KCNJ12: variants seen among roughly 807,000 people sequenced by gnomAD.
KCNJ12 encodes ATP-sensitive inward rectifier potassium channel 12.
A neutral mutation model predicts 22.3 loss-of-function variants in KCNJ12; 2 were observed. The observed-to-expected ratio is 0.09, with a 90% confidence interval of 0.04 to 0.28. The LOEUF (loss-of-function observed/expected upper bound fraction) is 0.28. Among genes scored for constraint, KCNJ12 ranks in the 10% least tolerant of loss-of-function variants. The probability of loss-of-function intolerance (pLI) is 1.00; values close to 1 mark genes in which losing one functional copy is unlikely to be tolerated. For synonymous variants in KCNJ12, 117 were observed against 261.4 expected, an observed-to-expected ratio of 0.45 and a Z score of 5.33; for missense variants, 155 against 633.3, an observed-to-expected ratio of 0.24 and a Z score of 8.11.
At chr17:21,409,500 A>G (rs1254561412) in intron 2 of KCNJ12, among the ~76,000 whole-genome samples, 1 of 152,312 alleles carries the variant, frequency 6.6e-6, no homozygotes, top group African/African-American at 2.4e-5. Flanking sequence ...GATAAAGGGC[A>G]TGTCATTGAT....
In KCNJ12 at chr17:21,413,944, C is replaced by T. The variant is rs1352409340; in HGVS notation, c.-56-1343C>T. Reference sequence around the variant, plus strand: ...AGCCTTGCAATCTTCCTTAGAGATGCGGGAAGCAGGGGCTGGGGAGGGCCC... The same window carrying T: ...AGCCTTGCAATCTTCCTTAGAGATGTGGGAAGCAGGGGCTGGGGAGGGCCC... On this transcript the variant is annotated intron_variant, in intron 2 of 2. Transcript: ENST00000583088. 3.1e-4 allele frequency among the ~76,000 whole-genome samples: 47 copies of T among 152,382 alleles called. No homozygotes were observed. In the East Asian group the frequency reaches 3.7e-3, roughly 12 times the overall value.
intron 2 of KCNJ12, among the ~76,000 whole-genome samples, chr17:21,409,743 G>T (rs1468246202): frequency 6.6e-6 from 1 of 152,292 alleles, no homozygotes; most frequent in Non-Finnish European, 1.5e-5. Context: ...ATTGAGACAG[G>T]TGGGCCTGAG....
At chr17:21,384,523 C>T (rs1021070374) in intron 1 of KCNJ12, among the ~76,000 whole-genome samples, 1 of 152,176 alleles carries the variant, frequency 6.6e-6, no homozygotes, top group East Asian at 1.9e-4. Context: ...GCTTCAGAGT[C>T]GCAGCCTGGG....
intron 1 of KCNJ12, among the ~76,000 whole-genome samples, chr17:21,396,458 A>G (rs1470869807): frequency 6.6e-6 from 1 of 152,168 alleles, no homozygotes; most frequent in East Asian, 1.9e-4. Flanking sequence ...TGGCATGCCC[A>G]TCCCAGTCCT....
chr17:21,401,588 C>A (rs1832018331), intron 1 of KCNJ12, among the ~76,000 whole-genome samples: 1 of 152,200 alleles, frequency 6.6e-6, no homozygotes, highest in African/African-American at 2.4e-5. Context: ...TCTCATTTGA[C>A]AAATGGGGAA....
chr17:21,416,539 A>C lies in KCNJ12; in HGVS notation c.1197A>C (p.Arg399=). ...AGGCGGACGGAGACCAGGACGGCCGAAGCCGGGACGGCCTCAGCCCCCAGG... is the reference window on the plus strand; with the variant it reads ...AGGCGGACGGAGACCAGGACGGCCGCAGCCGGGACGGCCTCAGCCCCCAGG... ...EDEADGDQDG[R]SRDGLSPQAR... Residue 399 remains arginine, a synonymous_variant, in exon 3 of 3, where the codon CGA becomes CGC. Coordinates refer to ENST00000583088, the MANE Select transcript of KCNJ12 (RefSeq NM_021012.5). 6.2e-7 allele frequency: 1 copy of C among 1,609,532 alleles called. No homozygotes were observed. The highest frequency in any genetic ancestry group is 1.1e-5 in the South Asian group (1 of 90,990).
At chr17:21,391,081 C>A (rs1481076546) in intron 1 of KCNJ12, among the ~76,000 whole-genome samples, 3 of 152,226 alleles carry the variant, frequency 2.0e-5, no homozygotes, top group Non-Finnish European at 4.4e-5. Context: ...CTGTGGCTGG[C>A]TTCCCCATCT....
chr17:21,408,445 A>T (rs1906111686), intron 1 of KCNJ12, 74 bp from the exon 2 acceptor site: 1 of 152,528 alleles, frequency 6.6e-6, no homozygotes, highest in Non-Finnish European at 1.5e-5. Context: ...TCATGTGGTT[A>T]TGTCTTACTT....
intron 1 of KCNJ12, among the ~76,000 whole-genome samples, chr17:21,401,934 G>A (rs1187355400): frequency 6.6e-6 from 1 of 152,252 alleles, no homozygotes; most frequent in African/African-American, 2.4e-5. Context: ...GGGTGTTGAA[G>A]GATGCATAGG....
At chr17:21,394,578 G>C (rs1462119066) in intron 1 of KCNJ12, among the ~76,000 whole-genome samples, 1 of 152,222 alleles carries the variant, frequency 6.6e-6, no homozygotes, top group Non-Finnish European at 1.5e-5. Context: ...TACTGTTGCT[G>C]TCCTGGAAAC....
At chr17:21,388,034 C>T (rs1335248807) in intron 1 of KCNJ12, among the ~76,000 whole-genome samples, 1 of 152,160 alleles carries the variant, frequency 6.6e-6, no homozygotes, top group African/African-American at 2.4e-5. Context: ...GATGGCAGCC[C>T]CGCTGTCATC....
chr17:21,392,558 GCACCCGGCA>G (rs1905236192), intron 1 of KCNJ12, among the ~76,000 whole-genome samples: 2 of 152,252 alleles, frequency 1.3e-5, no homozygotes, highest in South Asian at 4.1e-4. Flanking sequence ...CACCAGGGCT[GCACCCGGCA>G]CTGGCCTTGG....
intron 2 of KCNJ12, among the ~76,000 whole-genome samples, chr17:21,411,718 CT>C (rs1202156045): frequency 6.6e-6 from 1 of 152,310 alleles, no homozygotes; most frequent in Non-Finnish European, 1.5e-5. Flanking sequence ...AACAGTTTCT[CT>C]GATTTCATGT....
At chr17:21,377,606 G>T (rs533730308) in intron 1 of KCNJ12, among the ~76,000 whole-genome samples, 68 of 152,200 alleles carry the variant, frequency 4.5e-4, no homozygotes, top group African/African-American at 1.6e-3. Context: ...GGCCTCTCCG[G>T]GTGCCCTGGG....
In KCNJ12 at chr17:21,415,771, C is replaced by T; in HGVS notation, c.429C>T (p.Thr143=). Residue 143 remains threonine (T), a synonymous_variant, in exon 3 of 3, where the codon ACC becomes ACT. Coordinates refer to ENST00000583088, the MANE Select transcript of KCNJ12 (RefSeq NM_021012.5). Reference sequence around the variant, plus strand: ...TCTTCTCCATCGAGACGCAGACCACCATCGGCTACGGGCTGCGCTGTGTGA... The same window carrying T: ...TCTTCTCCATCGAGACGCAGACCACTATCGGCTACGGGCTGCGCTGTGTGA... ...AFLFSIETQT[T]IGYGLRCVTE... is the part of the protein sequence containing the mutation. 2 of 1,613,268 alleles carry T rather than the reference C, an allele frequency of 1.2e-6. No homozygotes were observed. Among genetic ancestry groups the T allele is most frequent in the Non-Finnish European group, 8.5e-7 (1 of 1,179,998 alleles).
intron 1 of KCNJ12, among the ~76,000 whole-genome samples, chr17:21,391,204 A>G (rs943393519): frequency 6.6e-6 from 1 of 152,162 alleles, no homozygotes. Flanking sequence ...CCCGTTTGTC[A>G]TGGCTGCTCA....
intron 1 of KCNJ12, among the ~76,000 whole-genome samples, chr17:21,378,148 A>C (rs1904732945): frequency 6.6e-6 from 1 of 152,160 alleles, no homozygotes; most frequent in African/African-American, 2.4e-5. Flanking sequence ...TGAGATGCCA[A>C]AGGAGAGCCG....
In KCNJ12 at chr17:21,415,940, G is replaced by A. The variant is rs561218777; in HGVS notation, c.598G>A (p.Ala200Thr). The change falls in exon 3 of 3, where the codon GCC (alanine) becomes ACC (threonine). Residue 200 changes from alanine to threonine, a missense_variant. Transcript: ENST00000583088. ...RAQTLLFSHN[A>T]VVALRDGKLC... ...ACAGACGCTGCTGTTCAGCCACAAC[G>A]CCGTGGTGGCCCTGCGTGACGGCAA... The A allele has an allele frequency of 1.2e-6, 2 of 1,609,216 alleles. No homozygotes were observed. The highest frequency in any genetic ancestry group is 1.3e-5 in the African/African-American group (1 of 75,032).
intron 1 of KCNJ12, among the ~76,000 whole-genome samples, chr17:21,402,293 T>TG (rs1905660631): frequency 4.6e-5 from 7 of 152,304 alleles, no homozygotes; most frequent in Non-Finnish European, 8.8e-5. Context: ...CCCTGACCTC[T>TG]GGAATAGTCT....
Sources: gnomAD v4.1 joint callset for allele counts (sites outside exome capture counted in the v4.1 genomes callset) on GRCh38, gnomAD v4.1.1 for gene constraint, MANE v1.5 for transcripts, NCBI Gene and HGNC (gene_info 2026-07-23, HGNC 2026-07-21) for gene names.